The following SSPN variants were observed in gnomAD, a reference collection of about 807,000 sequenced individuals.
The protein encoded by SSPN is K-ras oncogene-associated protein.
A neutral mutation model predicts 19.1 loss-of-function variants in SSPN; 15 were observed. The observed-to-expected ratio is 0.78, with a 90% CI of 0.52 to 1.21. SSPN has a LOEUF of 1.21. Among genes scored for constraint, SSPN ranks in the 50% most tolerant of loss-of-function variants. The probability of loss-of-function intolerance (pLI) is 0.00; values close to 1 mark genes in which losing one functional copy is unlikely to be tolerated. For missense variants in SSPN, 291 were observed against 314.0 expected, an observed-to-expected ratio of 0.93 and a Z score of 0.55; for synonymous variants, 147 against 140.3, an observed-to-expected ratio of 1.05 and a Z score of -0.34.
chr12:26,222,452 T>C (rs914829676), intron 1 of SSPN, among the ~76,000 whole-genome samples: 1 of 152,226 alleles, frequency 6.6e-6, no homozygotes, highest in African/African-American at 2.4e-5. Flanking sequence ...AAGCTGGCCC[T>C]GGGGTAGGAA....
Position 26,232,504 on chromosome 12 carries a change from A to G in SSPN, c.*1428A>G. Reference sequence around the variant, plus strand: ...TGTTGAAAGCAGAAATTAAGATAATAATTGAGTTCAATTCGCCTCTCCGCA... The same window carrying G: ...TGTTGAAAGCAGAAATTAAGATAATGATTGAGTTCAATTCGCCTCTCCGCA... On this transcript the variant is annotated 3_prime_UTR_variant, in exon 3 of 3. Coordinates refer to ENST00000242729, the MANE Select transcript of SSPN (RefSeq NM_005086.5). The G allele has an allele frequency of 1.0e-6, 1 of 985,402 alleles. No individual in the cohort carries two copies. The highest frequency in any genetic ancestry group is 1.2e-6 in the Non-Finnish European group (1 of 829,886). 61.0% of individuals were successfully genotyped at this position (985,402 alleles called of 1,614,324 possible).
intron 1 of SSPN, among the ~76,000 whole-genome samples, chr12:26,184,099 CAGTCACTTGT>C (rs1485933250): frequency 3.3e-5 from 5 of 152,170 alleles, no homozygotes; most frequent in African/African-American, 1.2e-4. Context: ...AATAAGCCCA[CAGTCACTTGT>C]GAGGGGTGGC....
At chr12:26,122,439 G>A (rs1273382171) in intron 1 of SSPN, 9 of 1,355,896 alleles carry the variant, frequency 6.6e-6, no homozygotes, top group Non-Finnish European at 8.6e-6. Context: ...GTAGGCGGCA[G>A]CTGCAGAAGG....
intron 1 of SSPN, among the ~76,000 whole-genome samples, chr12:26,131,395 G>A (rs1291999636): frequency 6.6e-6 from 1 of 152,234 alleles, no homozygotes; most frequent in Admixed American, 6.5e-5. Context: ...TTACGTAGCA[G>A]ACCTGTCCTG....
At chr12:26,225,103 A>G (rs1945163410) in intron 2 of SSPN, among the ~76,000 whole-genome samples, 1 of 151,354 alleles carries the variant, frequency 6.6e-6, no homozygotes, top group South Asian at 2.1e-4. Flanking sequence ...AAATAATACA[A>G]AGCTATCTTT....
intron 1 of SSPN, among the ~76,000 whole-genome samples, chr12:26,143,739 CAG>C (rs1491459705): frequency 6.6e-6 from 1 of 152,162 alleles, no homozygotes; most frequent in Non-Finnish European, 1.5e-5. Context: ...TACCTTAAAA[CAG>C]GGGTCCCTAA....
intron 1 of SSPN, among the ~76,000 whole-genome samples, chr12:26,219,067 T>C (rs1247414058): frequency 6.6e-6 from 1 of 152,116 alleles, no homozygotes; most frequent in Admixed American, 6.5e-5. Context: ...CCATTGCAGG[T>C]ACACGATGAA....
chr12:26,125,151 G>A (rs1331237853), intron 1 of SSPN: 2 of 373,366 alleles, frequency 5.4e-6, no homozygotes, highest in African/African-American at 4.2e-5. Context: ...CCGGGCGGGG[G>A]CGTCGGGAGA....
intron 1 of SSPN, chr12:26,122,682 T>C (rs1415713978): frequency 6.4e-7 from 1 of 1,551,770 alleles, no homozygotes; most frequent in East Asian, 2.6e-5. Flanking sequence ...CTTCATCCTC[T>C]TGGGCGCCGG....
intron 1 of SSPN, among the ~76,000 whole-genome samples, chr12:26,154,092 G>C (rs1944542317): frequency 6.6e-6 from 1 of 152,158 alleles, no homozygotes; most frequent in African/African-American, 2.4e-5. Context: ...AAAACCTATG[G>C]CAAAAACCTT....
intron 1 of SSPN, among the ~76,000 whole-genome samples, chr12:26,127,665 G>C: frequency 1.3e-5 from 2 of 150,878 alleles, no homozygotes; most frequent in East Asian, 3.9e-4. Flanking sequence ...TATGTTCTCT[G>C]TCTACCTTTT....
At chr12:26,177,996 C>G (rs1360910619) in intron 1 of SSPN, among the ~76,000 whole-genome samples, 5 of 152,220 alleles carry the variant, frequency 3.3e-5, no homozygotes, top group Non-Finnish European at 5.9e-5. Context: ...CACTGACTGG[C>G]CTATGGGTCA....
intron 1 of SSPN, among the ~76,000 whole-genome samples, chr12:26,161,910 C>T (rs1944591489): frequency 2.0e-5 from 3 of 152,220 alleles, no homozygotes; most frequent in South Asian, 2.1e-4. Context: ...CAGTAATGCT[C>T]ACTCACCAGC....
intron 1 of SSPN, among the ~76,000 whole-genome samples, chr12:26,185,591 G>A (rs1025312965): frequency 6.6e-6 from 1 of 152,202 alleles, no homozygotes; most frequent in Non-Finnish European, 1.5e-5. Context: ...AATAGGGAAG[G>A]GGCTGTAGGC....
chr12:26,218,919 T>A (rs1294450111), intron 1 of SSPN, among the ~76,000 whole-genome samples: 3 of 152,202 alleles, frequency 2.0e-5, no homozygotes, highest in Non-Finnish European at 2.9e-5. Context: ...TGGAGAAACA[T>A]TTACAGTTCT....
intron 1 of SSPN, among the ~76,000 whole-genome samples, chr12:26,189,771 T>C (rs749972556): frequency 6.6e-6 from 1 of 152,220 alleles, no homozygotes; most frequent in Non-Finnish European, 1.5e-5. Flanking sequence ...CAGATTATTC[T>C]GGAAAAGGTA....
At chr12:26,156,132 A>T (rs563655263) in intron 1 of SSPN, among the ~76,000 whole-genome samples, 4 of 152,326 alleles carry the variant, frequency 2.6e-5, no homozygotes, top group African/African-American at 9.6e-5. Flanking sequence ...TTTTTTGGCC[A>T]CCTTATGTGA....
intron 2 of SSPN, among the ~76,000 whole-genome samples, chr12:26,226,394 G>A (rs933110134): frequency 6.6e-6 from 1 of 152,264 alleles, no homozygotes; most frequent in East Asian, 1.9e-4. Flanking sequence ...CCTGTTGAAT[G>A]CCCAGATAGC....
At chr12:26,175,839 GT>G (rs57740060) in intron 1 of SSPN, among the ~76,000 whole-genome samples, 113,202 of 139,466 alleles carry the variant, frequency 0.81, 47,384 homozygotes, top group East Asian at 0.98. Flanking sequence ...TTTATTTTGA[GT>G]TTTTTTTTTT....
Sources: gnomAD v4.1 joint callset for allele counts (sites outside exome capture counted in the v4.1 genomes callset) on GRCh38, gnomAD v4.1.1 for gene constraint, MANE v1.5 for transcripts, NCBI Gene and HGNC (gene_info 2026-07-23, HGNC 2026-07-21) for gene names.